REC8: variants seen among roughly 807,000 people sequenced by gnomAD.
The protein encoded by REC8 is meiotic recombination protein REC8 homolog.
A neutral mutation model predicts 78.3 loss-of-function variants in REC8; 42 were observed. The ratio of observed to expected loss-of-function variants is 0.54; its 90% CI spans 0.42 to 0.69. The LOEUF (loss-of-function observed/expected upper bound fraction) is 0.69. Ranked by LOEUF, REC8 falls within the 30% of genes least tolerant of loss-of-function variation. The pLI, the probability that REC8 is intolerant of heterozygous loss-of-function variation, is 0.00. For synonymous variants in REC8, 268 were observed against 274.1 expected (o/e 0.98, Z 0.22); for missense variants, 581 against 715.8 (o/e 0.81, Z 2.15).
intron 5 of REC8, among the ~76,000 whole-genome samples, chr14:24,174,748 G>C (rs1439165563): frequency 2.0e-5 from 3 of 152,104 alleles, no homozygotes; most frequent in African/African-American, 7.2e-5. Flanking sequence ...TACAAGTCGG[G>C]TTCTACATAT....
chr14:24,180,121 C>T lies in REC8; in HGVS notation c.*26C>T. ...GGTTAGAGTCCATTTACAAAGCTGC[C>T]AGGAAACCGGCCACTTCTAGTAAAC... On this transcript the variant is annotated 3_prime_UTR_variant, in exon 19 of 19. Transcript: ENST00000611366. The T allele has an allele frequency of 6.2e-7, 1 of 1,614,098 alleles. No homozygotes were observed. Among genetic ancestry groups the T allele is most frequent in the Non-Finnish European group, 8.5e-7 (1 of 1,180,038 alleles).
At chr14:24,180,877 T>C (rs2039125972), downstream of REC8, 2 of 707,384 alleles carry the variant, frequency 2.8e-6, no homozygotes, top group Non-Finnish European at 4.6e-6. Context: ...CTGGTACTGA[T>C]TCACAGGCAT....
At position 24,172,728 on chromosome 14, in the gene REC8, C is replaced by T. The variant is rs751328738; in HGVS notation, c.72C>T (p.Arg24=). The change falls in exon 2 of 19, where the codon CGC becomes CGT. Residue 24 remains arginine, a synonymous_variant. Transcript: ENST00000611366. ...CCCACTTCAGGCTGGCGGCGACTCG[C>T]GGCAGCCGGTTGGTGAAGCGCGAAT... is the stretch of plus-strand genomic sequence containing the variant. The part of the protein sequence containing the change: ...CFATIWLAAT[R]GSRLVKREYL... The T allele has an allele frequency of 1.2e-6, 2 of 1,614,188 alleles. No homozygotes were observed. The highest frequency in any genetic ancestry group is 1.7e-6 in the Non-Finnish European group (2 of 1,180,024).
Position 24,178,632 on chromosome 14 carries a change from C to G in REC8, c.1023C>G (p.Thr341=), listed in dbSNP as rs1049514991. 1.2e-6 allele frequency: 2 copies of G among 1,613,940 alleles called. No individual in the cohort carries two copies. Among genetic ancestry groups the G allele is most frequent in the African/African-American group, 1.3e-5 (1 of 74,888 alleles). Reference sequence around the variant, plus strand: ...CTATGGTGCAGCCGCCCGAGAGGACCATCAGAGGCCCTGCGGAGTTGTTCA... The same window carrying G: ...CTATGGTGCAGCCGCCCGAGAGGACGATCAGAGGCCCTGCGGAGTTGTTCA... ...ECPMVQPPER[T]IRGPAELFRT... Residue 341 remains threonine, a synonymous_variant, in exon 13 of 19, where the codon ACC becomes ACG. Transcript: ENST00000611366.
chr14:24,178,718 C>A (rs2039018759), intron 13 of REC8, 46 bp downstream of exon 13: 1 of 1,613,178 alleles, frequency 6.2e-7, no homozygotes, highest in African/African-American at 1.3e-5. Flanking sequence ...AAAACCAATT[C>A]CTCATTCCTG....
In REC8 at chr14:24,177,472, G is replaced by A. The variant is rs780848150; in HGVS notation, c.745G>A (p.Gly249Arg). 1.2e-6 allele frequency: 2 copies of A among 1,614,156 alleles called. No individual in the cohort carries two copies. Among genetic ancestry groups the A allele is most frequent in the Admixed American group, 1.7e-5 (1 of 60,018 alleles). Reference protein sequence around the residue: ...LPPPAPAEVEGIGEALGPEEL... With the variant: ...LPPPAPAEVERIGEALGPEEL... ...TTGCCCATTTCCCCTCAGGGTGGAAGGAATAGGAGAGGCACTGGGTCCTGA... is the reference window on the plus strand; with the variant it reads ...TTGCCCATTTCCCCTCAGGGTGGAAAGAATAGGAGAGGCACTGGGTCCTGA... The change falls in exon 10 of 19, where the codon GGA becomes AGA. Residue 249 changes from glycine (G) to arginine (R), a missense_variant. Coordinates refer to ENST00000611366, the MANE Select transcript of REC8 (RefSeq NM_001048205.2).
chr14:24,180,386 G>T, downstream of REC8: 1 of 1,574,954 alleles, frequency 6.3e-7, no homozygotes, highest in Non-Finnish European at 8.6e-7. Flanking sequence ...GGGCTGAGAG[G>T]TGGTCTTAAG....
Position 24,172,284 on chromosome 14 carries a change from A to T in REC8, c.-269A>T. On this transcript the variant is annotated 5_prime_UTR_variant, in exon 1 of 19. Coordinates refer to ENST00000611366, the MANE Select transcript of REC8 (RefSeq NM_001048205.2). ...ACCTGGAACCCAACCCAGAAGTCTCAAGTTTGACGCATCACGTGGCGTGCG... is the reference window on the plus strand; with the variant it reads ...ACCTGGAACCCAACCCAGAAGTCTCTAGTTTGACGCATCACGTGGCGTGCG... 5.9e-6 allele frequency: 3 copies of T among 508,902 alleles called. No homozygotes were observed. Among genetic ancestry groups the T allele is most frequent in the East Asian group, 6.7e-5 (2 of 30,024 alleles). The allele number at this position is 508,902 out of a possible 1,614,324, so 31.5% of individuals were successfully genotyped here. A position where few individuals can be genotyped will look rare whatever the true frequency, so the allele number is the denominator to read the frequency against.
Position 24,173,391 on chromosome 14 carries a change from A to G in REC8, c.442A>G (p.Ser148Gly). The G allele has an allele frequency of 6.2e-7, 1 of 1,614,078 alleles. No homozygotes were observed. The highest frequency in any genetic ancestry group is 1.1e-5 in the South Asian group (1 of 91,082). The change falls in exon 5 of 19, where the codon AGT becomes GGT. Residue 148 changes from serine (S) to glycine (G), a missense_variant. Physicochemically the swap from Ser to Gly is moderately conservative, Grantham distance 56. Transcript: ENST00000611366. ...GATGTCTGTGGATCCCAGACTTCCT[A>G]GTCCTTTCGATATCCCTCAGGTAGG... The part of the protein sequence containing the change: ...GMMSVDPRLP[S>G]PFDIPQIRHL...
chr14:24,173,019 T>C lies in REC8; in HGVS notation c.246T>C (p.Ser82=), dbSNP rs1459338858. ...AGATCGGTGTGATCCGCGTCTATTC[T>C]CAACAATGCCAGTACCTCGTGGGTA... ...QLQIGVIRVY[S]QQCQYLVEDI... Residue 82 remains serine (S), a synonymous_variant, in exon 3 of 19, where the codon TCT becomes TCC. Coordinates refer to ENST00000611366, the MANE Select transcript of REC8 (RefSeq NM_001048205.2). 2 of 1,608,542 alleles carry C rather than the reference T, an allele frequency of 1.2e-6. No individual in the cohort carries two copies. The highest frequency in any genetic ancestry group is 3.3e-5 in the Admixed American group (2 of 59,990).
chr14:24,180,450 G>C, downstream of REC8: 1 of 1,610,506 alleles, frequency 6.2e-7, no homozygotes, highest in Non-Finnish European at 8.5e-7. Context: ...GTCTAGGAGA[G>C]GCCCAGTACA....
intron 5 of REC8, 72 bp downstream of exon 5, chr14:24,173,483 A>T (rs1336071740): frequency 6.3e-7 from 1 of 1,588,338 alleles, no homozygotes; most frequent in African/African-American, 1.3e-5. Flanking sequence ...TCACTCTGAC[A>T]TTGGGGTTGG....
Position 24,180,096 on chromosome 14 carries a change from G to GTAA in REC8, c.*1_*2insTAA. 2 of 1,614,156 alleles carry GTAA rather than the reference G, an allele frequency of 1.2e-6. No individual in the cohort carries two copies. Among genetic ancestry groups the GTAA allele is most frequent in the Non-Finnish European group, 1.7e-6 (2 of 1,180,034 alleles). ...CCAGCCGGGGCCCAGATTCCACTGA[G>GTAA]GTTAGAGTCCATTTACAAAGCTGCC... On this transcript the variant is annotated 3_prime_UTR_variant, in exon 19 of 19. Transcript: ENST00000611366.
chr14:24,180,053 A>G lies in REC8; in HGVS notation c.1602A>G (p.Pro534=). 3.1e-6 allele frequency: 5 copies of G among 1,614,216 alleles called. No homozygotes were observed. The highest frequency in any genetic ancestry group is 3.4e-6 in the Non-Finnish European group (4 of 1,180,042). The change falls in exon 19 of 19, where the codon CCA becomes CCG. Residue 534 remains proline, a synonymous_variant. Transcript: ENST00000611366. ...TTCTTCACGTGAAACAAGAAAAGCCATATGGTCGCCTCCTGATCCAGCCGG... is the reference window on the plus strand; with the variant it reads ...TTCTTCACGTGAAACAAGAAAAGCCGTATGGTCGCCTCCTGATCCAGCCGG... The part of the protein sequence containing the change: ...QQILHVKQEK[P]YGRLLIQPGP...
rs2038703931 is a variant in REC8 at position 24,172,326 on chromosome 14, AC to A, written c.-226del. 3.5e-6 allele frequency: 2 copies of A among 567,548 alleles called. No homozygotes were observed. Among genetic ancestry groups the A allele is most frequent in the Admixed American group, 6.5e-5 (2 of 30,838 alleles). 35.2% of individuals were successfully genotyped at this position (567,548 alleles called of 1,614,324 possible). A position where few individuals can be genotyped will look rare whatever the true frequency, so the allele number is the denominator to read the frequency against. On this transcript the variant is annotated 5_prime_UTR_variant, in exon 1 of 19. Transcript: ENST00000611366. ...TGGCGTGCGGATCCACTGAGGGTCC[AC>A]AGAGAGGGGCGCCCATCTCCTGCGT...
At chr14:24,175,336 CTG>C (rs2038842705) in intron 5 of REC8, 1 of 511,008 alleles carries the variant, frequency 2.0e-6, no homozygotes, top group Non-Finnish European at 3.6e-6. Context: ...GGCTAGATAA[CTG>C]GGGTGCGGGT....
intron 5 of REC8, among the ~76,000 whole-genome samples, chr14:24,173,834 G>T (rs2038773300): frequency 1.3e-5 from 2 of 152,026 alleles, no homozygotes; most frequent in Admixed American, 6.6e-5. Context: ...GGCTCTCCAT[G>T]CCCCATTTAT....
chr14:24,172,963 C>T lies in REC8; in HGVS notation c.190C>T (p.Arg64Cys), dbSNP rs940841948. The part of the protein sequence containing the change: ...QPPQPGLPRP[R>C]FSLYLSAQLQ... ...CCCGCAGCCCGGCCTGCCGCGGCCCCGCTTCTCCCTCTATCTCTCAGCCCA... is the reference window on the plus strand; with the variant it reads ...CCCGCAGCCCGGCCTGCCGCGGCCCTGCTTCTCCCTCTATCTCTCAGCCCA... The change falls in exon 3 of 19, where the codon CGC becomes TGC. Residue 64 changes from arginine to cysteine, a missense_variant. Physicochemically the swap from Arg to Cys is radical, Grantham distance 180. Transcript: ENST00000611366. 2 of 1,609,842 alleles carry T rather than the reference C, an allele frequency of 1.2e-6. No individual in the cohort carries two copies. The highest frequency in any genetic ancestry group is 1.3e-5 in the African/African-American group (1 of 74,930).
Position 24,179,647 on chromosome 14 carries a change from G to C in REC8, c.1372G>C (p.Glu458Gln). The change falls in exon 17 of 19, where the codon GAA becomes CAA. Residue 458 changes from glutamate to glutamine, a missense_variant. Physicochemically the swap from Glu to Gln is conservative, Grantham distance 29. Transcript: ENST00000611366. ...PEAPALPVVPELPEVPMEMPL... is the reference protein window; with the variant it reads ...PEAPALPVVPQLPEVPMEMPL... ...AGCTCCTGCATTGCCCGTGGTGCCT[G>C]AACTCCCTGAGGTGCCCATGGAGAT... 6.2e-7 allele frequency: 1 copy of C among 1,614,220 alleles called. No individual in the cohort carries two copies.
Sources: gnomAD v4.1 joint callset for allele counts (sites outside exome capture counted in the v4.1 genomes callset) on GRCh38, gnomAD v4.1.1 for gene constraint, MANE v1.5 for transcripts, NCBI Gene and HGNC (gene_info 2026-07-23, HGNC 2026-07-21) for gene names.